Variants in WDR20 observed in about 807,000 individuals in gnomAD.
WDR20 encodes the protein WD repeat-containing protein 20.
Under a neutral mutation model 38.7 loss-of-function variants are expected in WDR20, and 3 were observed. The observed-to-expected ratio is 0.08, with a 90% confidence interval of 0.04 to 0.20. WDR20 has a LOEUF of 0.20. WDR20 is among the 10% of genes least tolerant of loss of function. The probability of loss-of-function intolerance (pLI) is 1.00; values close to 1 mark genes in which losing one functional copy is unlikely to be tolerated. For synonymous variants in WDR20, 298 were observed against 285.6 expected (o/e 1.04, Z -0.44); for missense variants, 559 against 727.7 (o/e 0.77, Z 2.67).
intron 1 of WDR20, among the ~76,000 whole-genome samples, chr14:102,190,987 C>T (rs2066218945): frequency 1.4e-5 from 2 of 145,396 alleles, no homozygotes; most frequent in African/African-American, 2.6e-5. Context: ...GGCAACAGAG[C>T]GAGACTCTAT....
chr14:102,201,698 T>C (rs2060419618), intron 2 of WDR20, among the ~76,000 whole-genome samples: 1 of 152,228 alleles, frequency 6.6e-6, no homozygotes, highest in Non-Finnish European at 1.5e-5. Context: ...TTGACGTACA[T>C]AGAAATGTGT....
chr14:102,156,455 A>C lies in WDR20; in HGVS notation c.249+16283A>C, dbSNP rs2057412146. ...AGTGCTGGGATTGCAGGCGTGAGCC[A>C]CTGCGCCTGGCCCCATTAGATCTTG... On this transcript the variant is annotated intron_variant, in intron 1 of 2. Transcript: ENST00000342702. 6.6e-5 allele frequency among the ~76,000 whole-genome samples: 10 copies of C among 152,124 alleles called. No homozygotes were observed. The South Asian group carries it at 2.1e-3, about 32-fold the overall frequency.
Position 102,169,748 on chromosome 14 carries a change from G to A in WDR20, c.250-25190G>A, listed in dbSNP as rs571521144. 2.6e-5 allele frequency among the ~76,000 whole-genome samples: 4 copies of A among 152,100 alleles called. No homozygotes were observed. In the East Asian group the frequency reaches 5.8e-4, roughly 22 times the overall value. ...TCACCATGTTGGCCAGGCTGGTCTC[G>A]AACTCTTGACCTCAGGTGATCCACC... On this transcript the variant is annotated intron_variant, in intron 1 of 2. Transcript: ENST00000342702.
intron 1 of WDR20, among the ~76,000 whole-genome samples, chr14:102,154,000 A>G (rs1176191474): frequency 6.6e-6 from 1 of 152,134 alleles, no homozygotes; most frequent in Non-Finnish European, 1.5e-5. Context: ...TTGTCTCACT[A>G]TGTTAAAAAT....
At chr14:102,150,135 G>A (rs1368415635) in intron 1 of WDR20, among the ~76,000 whole-genome samples, 4 of 152,106 alleles carry the variant, frequency 2.6e-5, no homozygotes, top group African/African-American at 4.8e-5. Context: ...AAAGAAGCAA[G>A]AATCATTCAT....
chr14:102,139,755 G>A, upstream of WDR20: 2 of 1,038,638 alleles, frequency 1.9e-6, no homozygotes, highest in South Asian at 1.6e-5. Flanking sequence ...CAGTCGGGCC[G>A]TAAACAAGCC....
In WDR20 at chr14:102,205,479, T is replaced by C. The variant is rs116398376; in HGVS notation, c.433-3124T>C. On this transcript the variant is annotated intron_variant, in intron 2 of 2. Transcript: ENST00000342702. ...ATGTAAGGCTTTCTACTGTATACTT[T>C]TATGTGAATTAATAATGTATTACCC... Among the ~76,000 whole-genome samples, 705 of 152,256 alleles carry C rather than the reference T, an allele frequency of 4.6e-3. 6 individuals are homozygous for C. Among genetic ancestry groups the C allele is most frequent in the African/African-American group, 0.016 (654 of 41,530 alleles).
chr14:102,211,549 A>C (rs1445753236), downstream of WDR20, among the ~76,000 whole-genome samples: 1 of 152,208 alleles, frequency 6.6e-6, no homozygotes, highest in Non-Finnish European at 1.5e-5. This position sits in a 1 kb window ranked among gnomAD's most constrained non-coding sequence, Gnocchi z 4.2. Context: ...CTTCAGGTGC[A>C]TCTCTCCTGG....
chr14:102,142,738 GA>G (rs2051821515), intron 1 of WDR20, among the ~76,000 whole-genome samples: 1 of 144,888 alleles, frequency 6.9e-6, no homozygotes, highest in Non-Finnish European at 1.5e-5. Context: ...TTATAGGTGT[GA>G]CCCACCATGC....
intron 1 of WDR20, among the ~76,000 whole-genome samples, chr14:102,188,872 CAAAA>C (rs34508888): frequency 5.1e-5 from 5 of 97,538 alleles, no homozygotes; most frequent in African/African-American, 1.5e-4. Context: ...GACCCTGTTT[CAAAA>C]AAAAAAAAAA....
chr14:102,222,641 A>T lies in WDR20; in HGVS notation c.1693-189A>T, dbSNP rs774349871. 6.6e-6 allele frequency among the ~76,000 whole-genome samples: 1 copy of T among 152,192 alleles called. No individual in the cohort carries two copies. Among genetic ancestry groups the T allele is most frequent in the African/African-American group, 2.4e-5 (1 of 41,440 alleles). On this transcript the variant is annotated intron_variant, in intron 3 of 3. Transcript: ENST00000335263. The surrounding 1 kb of genome is among the most constrained non-coding windows in gnomAD (Gnocchi z 4.4). The stretch of plus-strand genomic sequence containing the variant: ...CAGTATTGCACCCAGCAGGGTTCCA[A>T]TTCTCTAGGAATGGAACGCAGTGAT...
intron 1 of WDR20, among the ~76,000 whole-genome samples, chr14:102,163,696 CA>C (rs1445983212): frequency 6.9e-6 from 1 of 145,620 alleles, no homozygotes; most frequent in African/African-American, 2.6e-5. Flanking sequence ...TGGAGTAAGA[CA>C]GTCACAACCT....
chr14:102,163,459 C>G (rs2059163020), intron 1 of WDR20, among the ~76,000 whole-genome samples: 1 of 151,928 alleles, frequency 6.6e-6, no homozygotes, highest in African/African-American at 2.4e-5. Context: ...GAAACCGTGT[C>G]TCTACCAAAA....
At chr14:102,212,835 C>A, downstream of WDR20, 1 of 1,316,268 alleles carries the variant, frequency 7.6e-7, no homozygotes, top group Non-Finnish European at 9.7e-7. Context: ...GTCTTTCAGC[C>A]TAAACGTTAT....
At chr14:102,224,037 ATTTTT>A (rs533802492), downstream of WDR20, among the ~76,000 whole-genome samples, 4 of 123,124 alleles carry the variant, frequency 3.2e-5, no homozygotes, top group African/African-American at 6.2e-5. Context: ...TTTACCTGAG[ATTTTT>A]TTTTTTTTTT....
chr14:102,145,291 A>T (rs1281104123), intron 1 of WDR20, among the ~76,000 whole-genome samples: 1 of 152,242 alleles, frequency 6.6e-6, no homozygotes. Context: ...TTAATAGCTC[A>T]TATCTTTTAA....
intron 1 of WDR20, among the ~76,000 whole-genome samples, chr14:102,161,142 A>ATATATATATATATATATATATTTT (rs1342924049): frequency 1.2e-4 from 2 of 16,050 alleles, no homozygotes; most frequent in Non-Finnish European, 1.9e-4. Flanking sequence ...ATATATATAT[A>ATATATATATATATATATATATTTT]TTTTTTTTTT....
At chr14:102,187,244 C>G (rs2065042991) in intron 1 of WDR20, among the ~76,000 whole-genome samples, 1 of 152,104 alleles carries the variant, frequency 6.6e-6, no homozygotes, top group Admixed American at 6.5e-5. Context: ...TTGATTAATT[C>G]ATTCAGGCTG....
At chr14:102,205,488 TTAA>T (rs1305321946) in intron 2 of WDR20, among the ~76,000 whole-genome samples, 10 of 152,124 alleles carry the variant, frequency 6.6e-5, no homozygotes, top group Non-Finnish European at 1.5e-4. Context: ...TTTATGTGAA[TTAA>T]TAATGTATTA....
Sources: gnomAD v4.1 joint callset for allele counts (sites outside exome capture counted in the v4.1 genomes callset) on GRCh38, gnomAD v4.1.1 for gene constraint, Gnocchi (gnomAD v3.1) non-coding constraint, MANE v1.5 for transcripts, NCBI Gene and HGNC (gene_info 2026-07-23, HGNC 2026-07-21) for gene names.